The following MDFIC variants were observed in gnomAD, a reference collection of about 807,000 sequenced individuals.
MDFIC encodes the protein MyoD family inhibitor domain containing, also known as myoD family inhibitor domain-containing protein.
Under a neutral mutation model 23.2 loss-of-function variants are expected in MDFIC, and 17 were observed. The observed-to-expected ratio is 0.73, with a 90% CI of 0.50 to 1.10. The LOEUF (loss-of-function observed/expected upper bound fraction) is 1.10. MDFIC is among the 50% of genes least tolerant of loss of function. The probability of loss-of-function intolerance (pLI) is 0.00; values close to 1 mark genes in which losing one functional copy is unlikely to be tolerated. For missense variants in MDFIC, 356 were observed against 316.6 expected (o/e 1.12, Z -0.95); for synonymous variants, 120 against 115.2 (o/e 1.04, Z -0.27).
intron 3 of MDFIC, among the ~76,000 whole-genome samples, chr7:114,970,181 A>T (rs1793180640): frequency 6.6e-6 from 1 of 152,170 alleles, no homozygotes; most frequent in Non-Finnish European, 1.5e-5. Flanking sequence ...TGTTAAGAAG[A>T]TTCCCCTTGT....
intron 4 of MDFIC, among the ~76,000 whole-genome samples, chr7:114,985,029 T>A (rs962766469): frequency 2.0e-5 from 3 of 152,188 alleles, no homozygotes; most frequent in African/African-American, 7.2e-5. Context: ...ATCTCATTTT[T>A]ATTTTTAATC....
At chr7:114,982,469 C>T (rs979988312) in intron 4 of MDFIC, among the ~76,000 whole-genome samples, 2 of 151,802 alleles carry the variant, frequency 1.3e-5, no homozygotes, top group African/African-American at 2.4e-5. Context: ...TGGGGAGGAT[C>T]GCTTGAGACC....
At chr7:115,015,024 T>A (rs892722825) in intron 4 of MDFIC, among the ~76,000 whole-genome samples, 1 of 152,180 alleles carries the variant, frequency 6.6e-6, no homozygotes, top group African/African-American at 2.4e-5. Context: ...TTTGCTAAGG[T>A]ACAAATTCCT....
In MDFIC at chr7:114,922,560, G is replaced by A. The variant is rs752906773; in HGVS notation, c.-184G>A. ...GGCGAAAATGCGGCCGCTGCCGGAG[G>A]CTCGCTAACTTTCCGGGGCGGAAGA... On this transcript the variant is annotated 5_prime_UTR_variant, in exon 1 of 5. Coordinates refer to ENST00000393486, the MANE Select transcript of MDFIC (RefSeq NM_001166345.3). The A allele has an allele frequency of 2.8e-5, 36 of 1,269,272 alleles. No individual in the cohort carries two copies. Among genetic ancestry groups the A allele is most frequent in the Middle Eastern group, 2.5e-4 (1 of 4,004 alleles). The allele number at this position is 1,269,272 out of a possible 1,614,324, so 78.6% of individuals were successfully genotyped here.
At chr7:114,943,936 C>T (rs1170282749) in intron 3 of MDFIC, among the ~76,000 whole-genome samples, 1 of 151,834 alleles carries the variant, frequency 6.6e-6, no homozygotes, top group South Asian at 2.1e-4. Flanking sequence ...ACAACAGCAA[C>T]AAAAAAGACA....
intron 3 of MDFIC, among the ~76,000 whole-genome samples, chr7:114,953,407 C>A (rs1792819082): frequency 6.6e-6 from 1 of 152,098 alleles, no homozygotes; most frequent in Non-Finnish European, 1.5e-5. Flanking sequence ...TGGACTAATT[C>A]AAAGTAGATG....
chr7:114,924,587 T>TAGG (rs10635814), intron 2 of MDFIC, among the ~76,000 whole-genome samples: 1 of 151,866 alleles, frequency 6.6e-6, no homozygotes, highest in Non-Finnish European at 1.5e-5. Context: ...TGGCCTGAAG[T>TAGG]ACATTTGTTG....
chr7:114,964,492 TC>T (rs201148727), intron 3 of MDFIC, among the ~76,000 whole-genome samples: 64,070 of 144,652 alleles, frequency 0.44, 14,559 homozygotes, highest in Admixed American at 0.59. Flanking sequence ...TCCCCTCCCC[TC>T]CCCTTCCCTT....
intron 3 of MDFIC, among the ~76,000 whole-genome samples, chr7:114,959,337 C>T (rs935635406): frequency 3.3e-5 from 5 of 152,086 alleles, no homozygotes; most frequent in Admixed American, 6.5e-5. Context: ...AATAGTATTT[C>T]TCAGAGAGCA....
At chr7:114,966,840 A>G (rs1793106885) in intron 3 of MDFIC, among the ~76,000 whole-genome samples, 1 of 152,186 alleles carries the variant, frequency 6.6e-6, no homozygotes, top group Non-Finnish European at 1.5e-5. Context: ...TCTGGGAAGC[A>G]TGGTTAGTAG....
At chr7:114,975,635 GGTTTAATCCGTCAGGTGTT>G (rs1793295059) in intron 3 of MDFIC, among the ~76,000 whole-genome samples, 1 of 151,590 alleles carries the variant, frequency 6.6e-6, no homozygotes, top group Non-Finnish European at 1.5e-5. Context: ...AAGTTGTTGT[GGTTTAATCCGTCAGGTGTT>G]TTTGTTCTTC....
intron 2 of MDFIC, chr7:114,923,687 G>A: frequency 7.2e-7 from 1 of 1,395,368 alleles, no homozygotes; most frequent in Non-Finnish European, 9.3e-7. Context: ...GCTTCTTTGT[G>A]TTCTTCCAAA....
chr7:114,990,843 T>C (rs1360851332), intron 4 of MDFIC, among the ~76,000 whole-genome samples: 5 of 152,208 alleles, frequency 3.3e-5, no homozygotes, highest in African/African-American at 1.2e-4. Context: ...GCATGATTTA[T>C]AATCCTTTGG....
intron 2 of MDFIC, among the ~76,000 whole-genome samples, chr7:114,926,981 G>A (rs543902133): frequency 6.6e-6 from 1 of 152,100 alleles, no homozygotes; most frequent in Non-Finnish European, 1.5e-5. Flanking sequence ...GGACACATTT[G>A]GCAATATCTA....
chr7:114,929,870 T>C (rs1057102785), intron 2 of MDFIC, among the ~76,000 whole-genome samples: 2 of 152,114 alleles, frequency 1.3e-5, no homozygotes, highest in African/African-American at 4.8e-5. Flanking sequence ...ATAAAAATTC[T>C]GGGATGGAAT....
At chr7:114,963,739 C>A (rs1377382344) in intron 3 of MDFIC, among the ~76,000 whole-genome samples, 1 of 152,118 alleles carries the variant, frequency 6.6e-6, no homozygotes, top group East Asian at 1.9e-4. Context: ...TGCCACCATG[C>A]CTGGATAATT....
intron 2 of MDFIC, among the ~76,000 whole-genome samples, chr7:114,935,302 GATT>G (rs1225475015): frequency 6.6e-6 from 1 of 151,998 alleles, no homozygotes; most frequent in East Asian, 1.9e-4. Flanking sequence ...CTCTGTCATA[GATT>G]ATTATCAAAT....
intron 4 of MDFIC, among the ~76,000 whole-genome samples, chr7:115,002,870 A>C (rs1791490646): frequency 6.6e-6 from 1 of 152,166 alleles, no homozygotes; most frequent in Non-Finnish European, 1.5e-5. Flanking sequence ...TTTTCTGTCT[A>C]AAAATATATG....
chr7:114,929,374 G>A (rs1358896123), intron 2 of MDFIC, among the ~76,000 whole-genome samples: 1 of 152,076 alleles, frequency 6.6e-6, no homozygotes, highest in Non-Finnish European at 1.5e-5. Flanking sequence ...CAAAGTTCTG[G>A]GATTACAGGC....
Sources: allele counts gnomAD v4.1 joint callset (sites outside exome capture counted in the v4.1 genomes callset), GRCh38; gene constraint gnomAD v4.1.1; transcripts MANE v1.5; gene names NCBI Gene and HGNC (gene_info 2026-07-23, HGNC 2026-07-21).